The following CCBE1 variants were observed in gnomAD, a reference collection of about 807,000 sequenced individuals.
CCBE1 encodes the protein collagen and calcium binding EGF domains 1.
Under a neutral mutation model 50.0 loss-of-function variants are expected in CCBE1, and 37 were observed. The observed-to-expected ratio is 0.74, with a 90% confidence interval of 0.57 to 0.97. The LOEUF (loss-of-function observed/expected upper bound fraction) is 0.97. CCBE1 is among the 50% of genes least tolerant of loss of function. The pLI is 0.00. For missense variants in CCBE1, 538 were observed against 523.8 expected, an observed-to-expected ratio of 1.03 and a Z score of -0.26; for synonymous variants, 234 against 203.7, an observed-to-expected ratio of 1.15 and a Z score of -1.27.
chr18:59,506,182 T>C lies in CCBE1; in HGVS notation c.213-25944A>G, dbSNP rs116747919. 7.2e-3 allele frequency among the ~76,000 whole-genome samples: 1,100 copies of C among 152,220 alleles called. 19 individuals carry two copies. Among genetic ancestry groups the C allele is most frequent in the African/African-American group, 0.025 (1,056 of 41,520 alleles). ...GAGACAAAGAAAGGACACAGAGACA[T>C]GGAGAAGGTGGTCACGTAAAGATGG... On this transcript the variant is annotated intron_variant, in intron 2 of 10. Transcript: ENST00000439986.
intron 2 of CCBE1, among the ~76,000 whole-genome samples, chr18:59,571,641 T>C (rs1281012420): frequency 6.6e-6 from 1 of 152,130 alleles, no homozygotes; most frequent in East Asian, 1.9e-4. Context: ...ACAAAATCTA[T>C]CCTTATAGTA....
At chr18:59,685,359 G>A (rs188798415) in intron 2 of CCBE1, among the ~76,000 whole-genome samples, 6 of 152,152 alleles carry the variant, frequency 3.9e-5, no homozygotes, top group African/African-American at 1.4e-4. Context: ...GAATGGAAAG[G>A]GTCTAACAAA....
At chr18:59,555,044 T>C (rs2052636469) in intron 2 of CCBE1, among the ~76,000 whole-genome samples, 1 of 152,230 alleles carries the variant, frequency 6.6e-6, no homozygotes, top group African/African-American at 2.4e-5. Flanking sequence ...TAACATTCAT[T>C]GTATTCTTCC....
At chr18:59,524,750 CCA>C (rs879676295) in intron 2 of CCBE1, among the ~76,000 whole-genome samples, 52,014 of 151,782 alleles carry the variant, frequency 0.34, 9,093 homozygotes, top group African/African-American at 0.38. Context: ...TGATGCTCTC[CCA>C]CACCCCTCGA....
At chr18:59,471,996 C>T (rs1912057434) in intron 3 of CCBE1, among the ~76,000 whole-genome samples, 1 of 152,224 alleles carries the variant, frequency 6.6e-6, no homozygotes, top group African/African-American at 2.4e-5. Context: ...GCTCCTGTGT[C>T]TACCAAAAAG....
chr18:59,469,332 G>T, intron 4 of CCBE1, 141 bp downstream of exon 4: 2 of 1,149,770 alleles, frequency 1.7e-6, no homozygotes, highest in Non-Finnish European at 2.6e-6. Flanking sequence ...TGTGATGAAG[G>T]GCAGTGATAA....
chr18:59,457,639 G>C (rs530449364), intron 5 of CCBE1, among the ~76,000 whole-genome samples: 1 of 152,272 alleles, frequency 6.6e-6, no homozygotes, highest in Non-Finnish European at 1.5e-5. Flanking sequence ...AGAATAACAG[G>C]ATGAACATGA....
chr18:59,518,820 T>C (rs934576064), intron 2 of CCBE1, among the ~76,000 whole-genome samples: 10 of 152,216 alleles, frequency 6.6e-5, no homozygotes, highest in Admixed American at 6.5e-4. Flanking sequence ...GCACACCCGC[T>C]GGCAGCCTAA....
chr18:59,561,179 A>G (rs2052731503), intron 2 of CCBE1, among the ~76,000 whole-genome samples: 1 of 152,256 alleles, frequency 6.6e-6, no homozygotes, highest in South Asian at 2.1e-4. Flanking sequence ...ATCTGCGCCA[A>G]TAGCTGGGCA....
intron 5 of CCBE1, among the ~76,000 whole-genome samples, chr18:59,461,817 C>A (rs147891392): frequency 1.4e-5 from 2 of 147,850 alleles, no homozygotes; most frequent in African/African-American, 2.5e-5. Context: ...ACTGCAACCT[C>A]AGCCTCCTGG....
chr18:59,608,784 T>C (rs2053533771), intron 2 of CCBE1, among the ~76,000 whole-genome samples: 1 of 152,216 alleles, frequency 6.6e-6, no homozygotes, highest in Admixed American at 6.5e-5. Context: ...ATGCCTCTCC[T>C]GTATTCAAAA....
chr18:59,643,442 C>A (rs12971245), intron 2 of CCBE1, among the ~76,000 whole-genome samples: 6 of 151,934 alleles, frequency 3.9e-5, no homozygotes, highest in Non-Finnish European at 7.4e-5. Flanking sequence ...TGTGCAGGTC[C>A]TAACATCTGG....
chr18:59,568,777 G>A (rs894354601), intron 2 of CCBE1, among the ~76,000 whole-genome samples: 4 of 152,202 alleles, frequency 2.6e-5, no homozygotes, highest in African/African-American at 9.6e-5. Flanking sequence ...CCCTGCAGGT[G>A]ATCACCTGGA....
intron 2 of CCBE1, among the ~76,000 whole-genome samples, chr18:59,652,011 C>A (rs961851728): frequency 9.9e-5 from 15 of 152,186 alleles, no homozygotes; most frequent in African/African-American, 3.4e-4. Flanking sequence ...TAACCCATTT[C>A]TTTTCATCCT....
chr18:59,544,850 G>A (rs1387344850), intron 2 of CCBE1, among the ~76,000 whole-genome samples: 1 of 152,118 alleles, frequency 6.6e-6, no homozygotes, highest in Non-Finnish European at 1.5e-5. Context: ...TTAGTGTTAG[G>A]GAATGCAATG....
intron 2 of CCBE1, among the ~76,000 whole-genome samples, chr18:59,513,186 T>C (rs1244805105): frequency 2.6e-5 from 4 of 152,138 alleles, no homozygotes; most frequent in South Asian, 2.1e-4. Flanking sequence ...CAGGCACCTG[T>C]AGTCCCAGCT....
intron 2 of CCBE1, among the ~76,000 whole-genome samples, chr18:59,570,752 G>T (rs1166552008): frequency 6.6e-6 from 1 of 152,164 alleles, no homozygotes; most frequent in Non-Finnish European, 1.5e-5. Flanking sequence ...TGTGTGTGAG[G>T]TTTTCAGAAA....
At chr18:59,651,365 A>T (rs1377140617) in intron 2 of CCBE1, among the ~76,000 whole-genome samples, 2 of 152,206 alleles carry the variant, frequency 1.3e-5, no homozygotes, top group African/African-American at 4.8e-5. Context: ...AAAACCAGGC[A>T]ATTCTGAATG....
chr18:59,650,493 G>T (rs530224019), intron 2 of CCBE1, among the ~76,000 whole-genome samples: 2 of 151,770 alleles, frequency 1.3e-5, no homozygotes, highest in African/African-American at 4.8e-5. Context: ...GCGTTAAAAG[G>T]TACCTAATCC....
Sources: allele counts gnomAD v4.1 joint callset (sites outside exome capture counted in the v4.1 genomes callset), GRCh38; gene constraint gnomAD v4.1.1; transcripts MANE v1.5; gene names NCBI Gene and HGNC (gene_info 2026-07-23, HGNC 2026-07-21).